The following SPON1 variants were observed in gnomAD, a reference collection of about 807,000 sequenced individuals.
SPON1 encodes spondin 1, also known as spondin-1.
In SPON1, 52 loss-of-function variants were observed where a neutral mutation model predicts 111.7. The observed-to-expected ratio is 0.47, with a 90% CI of 0.37 to 0.59. The LOEUF (loss-of-function observed/expected upper bound fraction) is 0.59, where lower values mean the gene tolerates loss of function less well. Ranked by LOEUF, SPON1 falls within the 20% of genes least tolerant of loss-of-function variation. The pLI, the probability that SPON1 is intolerant of heterozygous loss-of-function variation, is 0.00. For missense variants in SPON1, 957 were observed against 1,068.5 expected (o/e 0.90, Z 1.46); for synonymous variants, 410 against 395.8 (o/e 1.04, Z -0.43).
At chr11:14,171,866 A>C (rs1848105743) in intron 6 of SPON1, among the ~76,000 whole-genome samples, 1 of 152,142 alleles carries the variant, frequency 6.6e-6, no homozygotes, top group Non-Finnish European at 1.5e-5. Context: ...ACAGTTTGTT[A>C]TAATTTCTGT....
intron 6 of SPON1, among the ~76,000 whole-genome samples, chr11:14,174,581 C>T (rs1554932912): frequency 6.6e-6 from 1 of 151,530 alleles, no homozygotes; most frequent in African/African-American, 2.4e-5. Context: ...GTGGCACCTC[C>T]TCTGTTTTCC....
At chr11:14,074,388 T>C (rs566750139) in intron 3 of SPON1, among the ~76,000 whole-genome samples, 1 of 152,312 alleles carries the variant, frequency 6.6e-6, no homozygotes, top group African/African-American at 2.4e-5. Context: ...CATTCCTGGG[T>C]CTGGGATCAT....
At chr11:14,037,556 C>A (rs1465013411) in intron 2 of SPON1, among the ~76,000 whole-genome samples, 1 of 148,176 alleles carries the variant, frequency 6.7e-6, no homozygotes, top group Non-Finnish European at 1.5e-5. Context: ...TAGACATAGA[C>A]CTTACACCCC....
chr11:14,224,235 T>C (rs1848712578), intron 6 of SPON1, among the ~76,000 whole-genome samples: 1 of 151,952 alleles, frequency 6.6e-6, no homozygotes, highest in Non-Finnish European at 1.5e-5. Flanking sequence ...ACATGATATG[T>C]AAGGGGGTAA....
intron 1 of SPON1, among the ~76,000 whole-genome samples, chr11:13,968,762 T>C (rs1554908314): frequency 6.6e-6 from 1 of 152,156 alleles, no homozygotes; most frequent in African/African-American, 2.4e-5. Flanking sequence ...ACTTCAGTTT[T>C]CTTTTAATAA....
intron 6 of SPON1, among the ~76,000 whole-genome samples, chr11:14,169,830 G>T (rs1330121953): frequency 6.6e-6 from 1 of 151,980 alleles, no homozygotes; most frequent in Non-Finnish European, 1.5e-5. Flanking sequence ...ATTTCTGAGG[G>T]CTCTGTTCTG....
chr11:14,023,820 G>C (rs1314515033), intron 2 of SPON1, among the ~76,000 whole-genome samples: 2 of 152,118 alleles, frequency 1.3e-5, no homozygotes, highest in Non-Finnish European at 2.9e-5. Flanking sequence ...TGACCAACAT[G>C]GTGAAACCCC....
At chr11:14,222,696 T>A (rs782110159) in intron 6 of SPON1, among the ~76,000 whole-genome samples, 3 of 152,186 alleles carry the variant, frequency 2.0e-5, no homozygotes, top group African/African-American at 4.8e-5. Flanking sequence ...CAGCTTAAGG[T>A]TGCCCTCTCC....
At position 14,212,391 on chromosome 11, in the gene SPON1, T is replaced by G. The variant is rs117327905; in HGVS notation, c.826-30941T>G. Among the ~76,000 whole-genome samples, 1,092 of 152,338 alleles carry G rather than the reference T, an allele frequency of 7.2e-3. 19 individuals carry two copies. The highest frequency in any genetic ancestry group is 7.5e-3 in the Non-Finnish European group (511 of 68,026). Reference sequence around the variant, plus strand: ...TTTTAAATATAAGATTGAATTAAAATCATATATGTTTATTATAAAATATCA... The same window carrying G: ...TTTTAAATATAAGATTGAATTAAAAGCATATATGTTTATTATAAAATATCA... On this transcript the variant is annotated intron_variant, in intron 6 of 15. Transcript: ENST00000576479.
At chr11:14,025,113 A>G (rs78965255) in intron 2 of SPON1, among the ~76,000 whole-genome samples, 2,213 of 152,222 alleles carry the variant, frequency 0.015, 51 homozygotes, top group Admixed American at 0.049. Flanking sequence ...TTCAGCAAAC[A>G]TGTACCAAGC....
intron 6 of SPON1, among the ~76,000 whole-genome samples, chr11:14,188,482 T>C (rs931589054): frequency 1.3e-5 from 2 of 152,178 alleles, no homozygotes; most frequent in African/African-American, 4.8e-5. Flanking sequence ...CAGAATATGA[T>C]AATAAGTAAT....
chr11:14,162,220 A>G (rs1847974556), intron 6 of SPON1, among the ~76,000 whole-genome samples: 1 of 151,962 alleles, frequency 6.6e-6, no homozygotes, highest in African/African-American at 2.4e-5. Context: ...AAATATGAAC[A>G]CTAACCCATG....
intron 1 of SPON1, among the ~76,000 whole-genome samples, chr11:13,981,001 T>A (rs1229911264): frequency 6.6e-6 from 1 of 152,218 alleles, no homozygotes; most frequent in Non-Finnish European, 1.5e-5. Context: ...TGTAACTCCA[T>A]ATCTAATGTC....
chr11:14,047,932 T>A (rs912084003), intron 3 of SPON1, among the ~76,000 whole-genome samples: 11 of 152,284 alleles, frequency 7.2e-5, no homozygotes, highest in Admixed American at 7.2e-4. Context: ...CTGGGAGGAA[T>A]GTTCATTAAA....
At chr11:14,175,484 A>G (rs988949553) in intron 6 of SPON1, among the ~76,000 whole-genome samples, 3 of 152,308 alleles carry the variant, frequency 2.0e-5, no homozygotes, top group Non-Finnish European at 2.9e-5. Context: ...CTAAACCCAC[A>G]TGCTATCCTG....
intron 6 of SPON1, among the ~76,000 whole-genome samples, chr11:14,163,611 A>G (rs1307322712): frequency 6.6e-6 from 1 of 151,824 alleles, no homozygotes; most frequent in African/African-American, 2.4e-5. Flanking sequence ...CTCTGAGGAT[A>G]TTTGTTTGAG....
intron 6 of SPON1, among the ~76,000 whole-genome samples, chr11:14,191,729 C>A (rs931979357): frequency 6.6e-6 from 1 of 152,172 alleles, no homozygotes; most frequent in Non-Finnish European, 1.5e-5. Context: ...GAAAAGAATA[C>A]ATCTGTGACT....
At chr11:14,194,178 C>T (rs1222908577) in intron 6 of SPON1, among the ~76,000 whole-genome samples, 2 of 152,170 alleles carry the variant, frequency 1.3e-5, no homozygotes, top group East Asian at 3.9e-4. Context: ...CCACTCATCC[C>T]TCACTGGTGA....
intron 2 of SPON1, among the ~76,000 whole-genome samples, chr11:13,999,199 G>A (rs571813614): frequency 3.4e-4 from 51 of 152,122 alleles, no homozygotes; most frequent in Non-Finnish European, 4.0e-4. Context: ...GTATACATTC[G>A]TATAAAGAAA....
Sources: allele counts gnomAD v4.1 joint callset (sites outside exome capture counted in the v4.1 genomes callset), GRCh38; gene constraint gnomAD v4.1.1; transcripts MANE v1.5; gene names NCBI Gene and HGNC (gene_info 2026-07-23, HGNC 2026-07-21).